DDAH1: variants seen among roughly 807,000 people sequenced by gnomAD.
DDAH1 encodes N(G),N(G)-dimethylarginine dimethylaminohydrolase 1.
Under a neutral mutation model 28.8 loss-of-function variants are expected in DDAH1, and 19 were observed. That is an observed-to-expected ratio of 0.66 (90% CI 0.46 to 0.97). The LOEUF (loss-of-function observed/expected upper bound fraction) is 0.97, where lower values mean the gene tolerates loss of function less well. Among genes scored for constraint, DDAH1 ranks in the 50% least tolerant of loss-of-function variants. The pLI is 0.00. For synonymous variants in DDAH1, 153 were observed against 154.4 expected, an observed-to-expected ratio of 0.99 and a Z score of 0.07; for missense variants, 326 against 375.9, an observed-to-expected ratio of 0.87 and a Z score of 1.10.
At chr1:85,458,805 T>C (rs1655008934) in intron 1 of DDAH1, among the ~76,000 whole-genome samples, 1 of 152,168 alleles carries the variant, frequency 6.6e-6, no homozygotes, top group African/African-American at 2.4e-5. Flanking sequence ...CTGAAATAAA[T>C]ACTGCACTAT....
At chr1:85,525,850 G>T (rs1416423617) in intron 1 of DDAH1, among the ~76,000 whole-genome samples, 29 of 152,138 alleles carry the variant, frequency 1.9e-4, no homozygotes, top group African/African-American at 7.0e-4. Flanking sequence ...ATAATGCTGT[G>T]CAGAATAAAC....
chr1:85,420,985 C>T (rs1036615658), intron 1 of DDAH1, among the ~76,000 whole-genome samples: 3 of 152,012 alleles, frequency 2.0e-5, no homozygotes, highest in Non-Finnish European at 2.9e-5. Flanking sequence ...CCAATCATGG[C>T]GGAAGGTGAA....
chr1:85,571,978 G>T (rs1659470084), intron 1 of DDAH1, among the ~76,000 whole-genome samples: 3 of 152,098 alleles, frequency 2.0e-5, no homozygotes, highest in Admixed American at 2.0e-4. Flanking sequence ...GGGTGCGCTT[G>T]GCAGGGGCCT....
upstream of DDAH1, chr1:85,465,258 T>C (rs1337203922): frequency 9.4e-6 from 10 of 1,064,338 alleles, no homozygotes; most frequent in Admixed American, 1.0e-4. Flanking sequence ...GCGCGCCCAC[T>C]CCGGCGCTCG....
chr1:85,519,809 GA>G, intron 1 of DDAH1, among the ~76,000 whole-genome samples: 1 of 152,102 alleles, frequency 6.6e-6, no homozygotes, highest in East Asian at 1.9e-4. Context: ...ATTGATCACA[GA>G]AAGATACATA....
At chr1:85,378,496 C>A (rs1474896939) in intron 1 of DDAH1, among the ~76,000 whole-genome samples, 1 of 152,136 alleles carries the variant, frequency 6.6e-6, no homozygotes, top group Admixed American at 6.5e-5. Flanking sequence ...GCAGCCTTGA[C>A]CTCTGGGATT....
chr1:85,413,127 C>T (rs557107347), intron 1 of DDAH1, among the ~76,000 whole-genome samples: 14 of 152,290 alleles, frequency 9.2e-5, no homozygotes, highest in African/African-American at 3.4e-4. Flanking sequence ...ATGACTATTA[C>T]CATTATCAAG....
At position 85,465,033 on chromosome 1, in the gene DDAH1, C is replaced by G; in HGVS notation, c.13G>C (p.Gly5Arg). 1.5e-6 allele frequency: 2 copies of G among 1,316,914 alleles called. No individual in the cohort carries two copies. The highest frequency in any genetic ancestry group is 1.9e-6 in the Non-Finnish European group (2 of 1,036,306). 81.6% of individuals were successfully genotyped at this position (1,316,914 alleles called of 1,614,324 possible). A position where few individuals can be genotyped will look rare whatever the true frequency, so the allele number is the denominator to read the frequency against. MAGL[G>R]HPAAFGRATH... Reference sequence around the variant, plus strand: ...GCCCGGCCGAAGGCGGCGGGGTGGCCGAGCCCGGCCATGGCTTCGGGAGGC... The same window carrying G: ...GCCCGGCCGAAGGCGGCGGGGTGGCGGAGCCCGGCCATGGCTTCGGGAGGC... Residue 5 changes from glycine (G) to arginine (R), a missense_variant, in exon 1 of 6, where the codon GGC becomes CGC. Transcript: ENST00000284031.
intron 1 of DDAH1, among the ~76,000 whole-genome samples, chr1:85,553,980 C>T (rs1225399205): frequency 6.6e-6 from 1 of 152,202 alleles, no homozygotes; most frequent in African/African-American, 2.4e-5. Context: ...CTGCCCTGGA[C>T]ATCTTGGCTT....
chr1:85,517,017 G>C (rs1341897008), intron 1 of DDAH1, among the ~76,000 whole-genome samples: 10 of 150,730 alleles, frequency 6.6e-5, no homozygotes, highest in Non-Finnish European at 1.3e-4. Context: ...ATATAGCCTT[G>C]AGCAGGTTGT....
intron 1 of DDAH1, among the ~76,000 whole-genome samples, chr1:85,558,559 G>A (rs1454834449): frequency 1.3e-5 from 2 of 152,156 alleles, no homozygotes; most frequent in African/African-American, 4.8e-5. Flanking sequence ...GTTCTAGTTT[G>A]TGATGGGTCT....
intron 1 of DDAH1, among the ~76,000 whole-genome samples, chr1:85,453,523 T>A (rs992828257): frequency 6.6e-6 from 1 of 152,150 alleles, no homozygotes; most frequent in Non-Finnish European, 1.5e-5. Context: ...AGAGCATATA[T>A]AAGGGAATAC....
At chr1:85,349,261 C>T (rs1055311030) in intron 4 of DDAH1, among the ~76,000 whole-genome samples, 2 of 152,192 alleles carry the variant, frequency 1.3e-5, no homozygotes, top group African/African-American at 4.8e-5. Context: ...GCCTTAGAAA[C>T]AGAATCAAAG....
chr1:85,467,808 C>CTT (rs939655586), upstream of DDAH1: 4 of 152,204 alleles, frequency 2.6e-5, no homozygotes, highest in South Asian at 2.1e-4. Context: ...ATGTTATGCA[C>CTT]TTCAGAGTCA....
At chr1:85,517,353 G>A (rs201237331) in intron 1 of DDAH1, among the ~76,000 whole-genome samples, 5,561 of 147,026 alleles carry the variant, frequency 0.038, 119 homozygotes, top group South Asian at 0.075. Context: ...GCAGTTGAGC[G>A]CAAGGACAAA....
intron 5 of DDAH1, 78 bp from the exon 6 acceptor site, chr1:85,321,646 T>G (rs1327830844): frequency 9.0e-6 from 10 of 1,107,100 alleles, no homozygotes; most frequent in Non-Finnish European, 1.2e-5. Flanking sequence ...TCAATTTGAT[T>G]TGTACATCTA....
At chr1:85,544,905 G>A (rs1658575534) in intron 1 of DDAH1, among the ~76,000 whole-genome samples, 1 of 152,176 alleles carries the variant, frequency 6.6e-6, no homozygotes, top group Admixed American at 6.5e-5. Context: ...CCGCACAGAT[G>A]CCTGTGAAGA....
At chr1:85,360,009 C>T (rs148543871) in intron 1 of DDAH1, among the ~76,000 whole-genome samples, 28 of 152,194 alleles carry the variant, frequency 1.8e-4, no homozygotes, top group African/African-American at 5.8e-4. Context: ...TGAGATGACT[C>T]GAATAGGGGA....
intron 1 of DDAH1, among the ~76,000 whole-genome samples, chr1:85,502,321 A>C (rs1656848927): frequency 6.6e-6 from 1 of 152,122 alleles, no homozygotes; most frequent in African/African-American, 2.4e-5. Flanking sequence ...TGCTGACTAC[A>C]CCCCACGCAC....
Sources: allele counts gnomAD v4.1 joint callset (sites outside exome capture counted in the v4.1 genomes callset), GRCh38; gene constraint gnomAD v4.1.1; transcripts MANE v1.5; gene names NCBI Gene and HGNC (gene_info 2026-07-23, HGNC 2026-07-21).